SHC2: variants seen among roughly 807,000 people sequenced by gnomAD.
The protein encoded by SHC2 is SHC-transforming protein 2.
SHC2 carries 62 observed loss-of-function variants against 60.6 expected under a neutral mutation model. That is an observed-to-expected ratio of 1.02 (90% CI 0.83 to 1.26). SHC2 has a LOEUF of 1.26. Among genes scored for constraint, SHC2 ranks in the 50% most tolerant of loss-of-function variants. The pLI, the probability that SHC2 is intolerant of heterozygous loss-of-function variation, is 0.00. For missense variants in SHC2, 873 were observed against 822.2 expected, an observed-to-expected ratio of 1.06 and a Z score of -0.76; for synonymous variants, 375 against 372.4, an observed-to-expected ratio of 1.01 and a Z score of -0.08.
intron 12 of SHC2, among the ~76,000 whole-genome samples, chr19:417,685 G>A (rs1263377622): frequency 6.6e-6 from 1 of 152,222 alleles, no homozygotes; most frequent in Non-Finnish European, 1.5e-5. Context: ...ACGCCTTTCC[G>A]AGGGGACGCA....
chr19:427,233 G>A (rs1283415878), intron 9 of SHC2, among the ~76,000 whole-genome samples: 2 of 152,242 alleles, frequency 1.3e-5, no homozygotes, highest in South Asian at 2.1e-4. Flanking sequence ...TTAGGAAACA[G>A]GCAGCCGCAG....
rs1434097431 is a variant in SHC2 at position 453,208 on chromosome 19, G to A, written c.468+7321C>T. On this transcript the variant is annotated intron_variant, in intron 1 of 12. Coordinates refer to ENST00000264554, the MANE Select transcript of SHC2 (RefSeq NM_012435.3). This position sits in a 1 kb window ranked among gnomAD's most constrained non-coding sequence, Gnocchi z 6.3. ...AAGCTGAGCAGGGTCGGGCCTGATT[G>A]GTACTTGGATGGGAGAAGGACAGAA... is the stretch of plus-strand genomic sequence containing the variant. The A allele has an allele frequency of 6.6e-6, 1 of 152,150 alleles. No individual in the cohort carries two copies. Among genetic ancestry groups the A allele is most frequent in the Admixed American group, 6.5e-5 (1 of 15,272 alleles). The allele number at this position is 152,150 out of a possible 1,614,324, so 9.4% of individuals were successfully genotyped here. A position where few individuals can be genotyped will look rare whatever the true frequency, so the allele number is the denominator to read the frequency against.
Position 425,315 on chromosome 19 carries a change from C to T in SHC2, c.1175-84G>A. The T allele has an allele frequency of 3.5e-6, 4 of 1,139,212 alleles. No individual in the cohort carries two copies. Among genetic ancestry groups the T allele is most frequent in the African/African-American group, 1.6e-5 (1 of 63,180 alleles). 70.6% of individuals were successfully genotyped at this position (1,139,212 alleles called of 1,614,324 possible). ...GAGCAAGGCGGGGTCCCACGAGGAG[C>T]TCCCCCGGCCACCACCTGTGCTGCT... is the stretch of plus-strand genomic sequence containing the variant. On this transcript the variant is annotated intron_variant, in intron 9 of 12. Coordinates refer to ENST00000264554, the MANE Select transcript of SHC2 (RefSeq NM_012435.3). The surrounding 1 kb of genome is among the most constrained non-coding windows in gnomAD (Gnocchi z 4.1).
intron 9 of SHC2, among the ~76,000 whole-genome samples, chr19:426,461 C>G (rs1462792540): frequency 2.1e-5 from 2 of 94,716 alleles, no homozygotes; most frequent in Admixed American, 1.1e-4. Flanking sequence ...GAGGACGACA[C>G]CGAGAGAGGC....
chr19:450,184 G>T (rs911303199), intron 1 of SHC2, among the ~76,000 whole-genome samples: 1 of 152,182 alleles, frequency 6.6e-6, no homozygotes, highest in Non-Finnish European at 1.5e-5. Flanking sequence ...GGAGGGGGGG[G>T]ACTCACAATG....
In SHC2 at chr19:453,753, C is replaced by T. The variant is rs1975260058; in HGVS notation, c.468+6776G>A. Among the ~76,000 whole-genome samples, 1 of 152,194 alleles carries T rather than the reference C, an allele frequency of 6.6e-6. No homozygotes were observed. Among genetic ancestry groups the T allele is most frequent in the Non-Finnish European group, 1.5e-5 (1 of 68,032 alleles). ...CCGCGATGCAGGAAGGATGAAGTGTCATTTTGCCGACCGTGTCCCAGTTTG... is the reference window on the plus strand; with the variant it reads ...CCGCGATGCAGGAAGGATGAAGTGTTATTTTGCCGACCGTGTCCCAGTTTG... On this transcript the variant is annotated intron_variant, in intron 1 of 12. Coordinates refer to ENST00000264554, the MANE Select transcript of SHC2 (RefSeq NM_012435.3). This position sits in a 1 kb window ranked among gnomAD's most constrained non-coding sequence, Gnocchi z 6.3.
Position 425,362 on chromosome 19 carries a change from C to A in SHC2, c.1175-131G>T. ...TGCTGGCTGCAGGGCGGATGCTGCT[C>A]TGGTCTCCCTGTGGTAACCCGCCCG... On this transcript the variant is annotated intron_variant, in intron 9 of 12. Transcript: ENST00000264554. The surrounding 1 kb of genome is among the most constrained non-coding windows in gnomAD (Gnocchi z 4.1). 1 of 745,444 alleles carries A rather than the reference C, an allele frequency of 1.3e-6. No homozygotes were observed. The highest frequency in any genetic ancestry group is 1.8e-6 in the Non-Finnish European group (1 of 542,526). The allele number at this position is 745,444 out of a possible 1,614,324, so 46.2% of individuals were successfully genotyped here.
intron 9 of SHC2, among the ~76,000 whole-genome samples, chr19:426,050 A>G (rs1391449669): frequency 6.7e-6 from 1 of 150,196 alleles, no homozygotes; most frequent in African/African-American, 2.5e-5. Flanking sequence ...AAAAAAAACT[A>G]TCCACATGGT....
intron 1 of SHC2, among the ~76,000 whole-genome samples, chr19:456,782 C>T (rs1189670644): frequency 1.5e-5 from 2 of 129,884 alleles, no homozygotes; most frequent in Non-Finnish European, 3.3e-5. Context: ...GTCTAGAACT[C>T]TGTCTGCAAT....
intron 1 of SHC2, among the ~76,000 whole-genome samples, chr19:455,846 C>T (rs1035300221): frequency 1.3e-5 from 2 of 152,114 alleles, no homozygotes; most frequent in Non-Finnish European, 2.9e-5. Flanking sequence ...ACTCTCACCC[C>T]CTGCTGCGAG....
At position 445,461 on chromosome 19, in the gene SHC2, C is replaced by T. The variant is rs1009875839; in HGVS notation, c.469-4529G>A. Among the ~76,000 whole-genome samples the T allele has an allele frequency of 2.0e-5, 3 of 152,236 alleles. No individual in the cohort carries two copies. In the South Asian group the frequency reaches 6.2e-4, roughly 31 times the overall value. On this transcript the variant is annotated intron_variant, in intron 1 of 12. Coordinates refer to ENST00000264554, the MANE Select transcript of SHC2 (RefSeq NM_012435.3). The surrounding 1 kb of genome is among the most constrained non-coding windows in gnomAD (Gnocchi z 4.4). ...GAGAAATAAATTTCTAGGCCTGGCACAGCAGCTCATGCCTGTAATCGCAGC... is the reference window on the plus strand; with the variant it reads ...GAGAAATAAATTTCTAGGCCTGGCATAGCAGCTCATGCCTGTAATCGCAGC...
At chr19:434,960 G>A (rs1159365788) in intron 7 of SHC2, 95 bp from the exon 8 acceptor site, 2 of 1,341,994 alleles carry the variant, frequency 1.5e-6, no homozygotes, top group East Asian at 2.5e-5. Context: ...AAATATCTGA[G>A]TTCGAATCCC....
At chr19:417,931 G>A (rs12973100) in intron 12 of SHC2, among the ~76,000 whole-genome samples, 2 of 152,110 alleles carry the variant, frequency 1.3e-5, no homozygotes, top group African/African-American at 2.4e-5. Context: ...TGGCCCAGAA[G>A]CGCAGCCCTT....
At chr19:458,421 G>T (rs1975432277) in intron 1 of SHC2, among the ~76,000 whole-genome samples, 1 of 140,486 alleles carries the variant, frequency 7.1e-6, no homozygotes, top group Admixed American at 7.0e-5. Context: ...CGGGTCCTGG[G>T]GAGGCAGAAG....
intron 11 of SHC2, 81 bp from the exon 12 acceptor site, chr19:419,137 G>C: frequency 6.9e-7 from 1 of 1,454,044 alleles, no homozygotes; most frequent in Non-Finnish European, 9.2e-7. Context: ...CTGGGGTCCT[G>C]CCGGGGAGCC....
intron 10 of SHC2, among the ~76,000 whole-genome samples, chr19:423,655 G>C (rs1974337151): frequency 6.6e-6 from 1 of 151,238 alleles, no homozygotes; most frequent in Admixed American, 6.6e-5. Context: ...CGCCCCTCCA[G>C]CTCCTGGTCC....
rs1041040039 is a variant in SHC2 at position 455,155 on chromosome 19, T to C, written c.468+5374A>G. ...GTGAAATAACAATGACCTGGACCCA[T>C]GACAAAGTCACTGAGCTGCTGAATT... On this transcript the variant is annotated intron_variant, in intron 1 of 12. Coordinates refer to ENST00000264554, the MANE Select transcript of SHC2 (RefSeq NM_012435.3). Among the ~76,000 whole-genome samples the C allele has an allele frequency of 6.6e-5, 10 of 152,342 alleles. No homozygotes were observed. In the East Asian group the frequency reaches 9.6e-4, roughly 15 times the overall value.
In SHC2 at chr19:438,789, AGCGAAGGTTGCTCTT is replaced by A. The variant is rs1470981740; in HGVS notation, c.634_648del (p.Lys212_Arg216del). 6.3e-7 allele frequency: 1 copy of A among 1,576,458 alleles called. No homozygotes were observed. Among genetic ancestry groups the A allele is most frequent in the Non-Finnish European group, 8.6e-7 (1 of 1,162,504 alleles). ...TGGATGGAGATGCTCATGCCGGCAAAGCGAAGGTTGCTCTTGCCCAGGACGGACGCCAGGGCCTTG... is the reference window on the plus strand; with the variant it reads ...TGGATGGAGATGCTCATGCCGGCAAAGCCCAGGACGGACGCCAGGGCCTTG... On this transcript the variant is annotated inframe_deletion, in exon 4 of 13. Transcript: ENST00000264554. The surrounding 1 kb of genome is among the most constrained non-coding windows in gnomAD (Gnocchi z 5.0).
chr19:418,318 G>A (rs951669804), intron 12 of SHC2, among the ~76,000 whole-genome samples: 4 of 152,188 alleles, frequency 2.6e-5, no homozygotes, highest in South Asian at 2.1e-4. Context: ...ACCAGGTGAC[G>A]CCCACCACAG....
Sources: allele counts gnomAD v4.1 joint callset (sites outside exome capture counted in the v4.1 genomes callset), GRCh38; gene constraint gnomAD v4.1.1; non-coding constraint Gnocchi (gnomAD v3.1); transcripts MANE v1.5; gene names NCBI Gene and HGNC (gene_info 2026-07-23, HGNC 2026-07-21).